NTM: variants seen among roughly 807,000 people sequenced by gnomAD.
The protein encoded by NTM is IgLON family member 2.
Under a neutral mutation model 42.1 loss-of-function variants are expected in NTM, and 13 were observed. That is an observed-to-expected ratio of 0.31 (90% CI 0.20 to 0.49). NTM has a LOEUF of 0.49. NTM is among the 20% of genes least tolerant of loss of function. The pLI, the probability that NTM is intolerant of heterozygous loss-of-function variation, is 0.99. For missense variants in NTM, 373 were observed against 452.8 expected, an observed-to-expected ratio of 0.82 and a Z score of 1.60; for synonymous variants, 187 against 179.2, an observed-to-expected ratio of 1.04 and a Z score of -0.35.
At chr11:132,274,250 G>C (rs1298637916) in intron 4 of NTM, among the ~76,000 whole-genome samples, 1 of 151,238 alleles carries the variant, frequency 6.6e-6, no homozygotes, top group Non-Finnish European at 1.5e-5. Context: ...CTTTCTGCCT[G>C]GTTTAGGCTT....
chr11:131,975,393 T>A (rs2134774678), intron 2 of NTM, among the ~76,000 whole-genome samples: 1 of 152,296 alleles, frequency 6.6e-6, no homozygotes, highest in South Asian at 2.1e-4. Context: ...TTGGCCAGGC[T>A]GGTCTCTATC....
In NTM at chr11:131,789,608, A is replaced by AAGG. The variant is rs1565552653; in HGVS notation, c.83-121954_83-121953insGAG. The stretch of plus-strand genomic sequence containing the variant: ...GAAGAAGAAGAAGAAGAAGAAGAAG[A>AAGG]AGAAGAAGAAGAAGAAGAAGAAGAA... On this transcript the variant is annotated intron_variant, in intron 1 of 8. Transcript: ENST00000683400. 7.4e-4 allele frequency among the ~76,000 whole-genome samples: 58 copies of AAGG among 78,028 alleles called. 11 individuals are homozygous for AAGG. Among genetic ancestry groups the AAGG allele is most frequent in the South Asian group, 1.4e-3 (4 of 2,880 alleles). The allele number at this position is 78,028 out of a possible 152,430, so 51.2% of individuals were successfully genotyped here. A position where few individuals can be genotyped will look rare whatever the true frequency, so the allele number is the denominator to read the frequency against.
At chr11:131,852,622 G>A (rs2045675233) in intron 1 of NTM, among the ~76,000 whole-genome samples, 2 of 152,096 alleles carry the variant, frequency 1.3e-5, no homozygotes, top group African/African-American at 4.8e-5. Flanking sequence ...GCTGGGTCAG[G>A]GGCATGTTTT....
chr11:132,166,308 C>G (rs746688942), intron 3 of NTM, among the ~76,000 whole-genome samples: 2 of 152,164 alleles, frequency 1.3e-5, no homozygotes, highest in African/African-American at 4.8e-5. Flanking sequence ...CTCATGGTCT[C>G]TATTAGTGAG....
chr11:131,664,753 G>GTTTTTTTTTTTTTTTTTTTTTTT (rs199824869), intron 1 of NTM, among the ~76,000 whole-genome samples: 1 of 112,914 alleles, frequency 8.9e-6, no homozygotes, highest in African/African-American at 3.4e-5. Context: ...CTCTTCCATT[G>GTTTTTTTTTTTTTTTTTTTTTTT]TTTTTTTTTT....
rs541517765 is a variant in NTM at position 131,424,075 on chromosome 11, ACT to A, written c.82+53190_82+53191del. Among the ~76,000 whole-genome samples, 21 of 152,082 alleles carry A rather than the reference ACT, an allele frequency of 1.4e-4. No homozygotes were observed. In the East Asian group the frequency reaches 3.9e-3, roughly 28 times the overall value. On this transcript the variant is annotated intron_variant, in intron 1 of 8. Coordinates refer to ENST00000683400, the MANE Select transcript of NTM (RefSeq NM_001352005.2). ...GAGCTTGAAGCTGCCATGCAAATAA[ACT>A]CTAATGACTTTCTTCTTGCATTTAC...
intron 1 of NTM, among the ~76,000 whole-genome samples, chr11:131,446,041 A>G (rs1251528578): frequency 6.6e-6 from 1 of 152,240 alleles, no homozygotes; most frequent in Non-Finnish European, 1.5e-5. Flanking sequence ...TATCTCAGCA[A>G]CTAAAACTTC....
chr11:131,925,730 C>T (rs1026038098), intron 2 of NTM, among the ~76,000 whole-genome samples: 6 of 151,852 alleles, frequency 4.0e-5, no homozygotes, highest in Non-Finnish European at 8.8e-5. Context: ...GTGGAGAAAT[C>T]GTGTATGGAT....
chr11:132,053,828 G>A (rs1300020055), intron 2 of NTM, among the ~76,000 whole-genome samples: 1 of 152,178 alleles, frequency 6.6e-6, no homozygotes, highest in East Asian at 1.9e-4. Context: ...ACCCTAATTG[G>A]TGGGTTTCCT....
intron 2 of NTM, among the ~76,000 whole-genome samples, chr11:131,986,090 G>T (rs181835423): frequency 2.6e-5 from 4 of 152,276 alleles, no homozygotes; most frequent in African/African-American, 4.8e-5. Flanking sequence ...GATCTCTTTG[G>T]ATCTGATTTT....
intron 1 of NTM, among the ~76,000 whole-genome samples, chr11:131,863,395 G>A (rs181992399): frequency 6.6e-6 from 1 of 152,182 alleles, no homozygotes; most frequent in Non-Finnish European, 1.5e-5. Context: ...ATGTTCTTGG[G>A]GTCCTCCTGA....
chr11:131,592,026 C>T (rs1395003398), intron 1 of NTM, among the ~76,000 whole-genome samples: 1 of 152,154 alleles, frequency 6.6e-6, no homozygotes, highest in African/African-American at 2.4e-5. Flanking sequence ...GCACTTTTGC[C>T]CCTGGTTGGA....
rs11827338 is a variant in NTM, at chr11:132,082,060, A to T, written c.168-64222A>T. On this transcript the variant is annotated intron_variant, in intron 2 of 8. Coordinates refer to ENST00000683400, the MANE Select transcript of NTM (RefSeq NM_001352005.2). ...ATTCATGGAAAAATGGAATTAAAAGATAAAAAAAAAAACCCTTCATTTCTC... is the reference window on the plus strand; with the variant it reads ...ATTCATGGAAAAATGGAATTAAAAGTTAAAAAAAAAAACCCTTCATTTCTC... 1.0e-2 allele frequency among the ~76,000 whole-genome samples: 1,342 copies of T among 134,660 alleles called. 16 individuals carry two copies. The highest frequency in any genetic ancestry group is 0.038 in the African/African-American group (1,266 of 33,076). 88.3% of individuals were successfully genotyped at this position (134,660 alleles called of 152,430 possible). A position where few individuals can be genotyped will look rare whatever the true frequency, so the allele number is the denominator to read the frequency against.
intron 1 of NTM, among the ~76,000 whole-genome samples, chr11:131,598,702 T>G (rs1209216436): frequency 1.8e-5 from 1 of 55,990 alleles, no homozygotes; most frequent in African/African-American, 4.9e-5. Flanking sequence ...TTTCTTTCTT[T>G]CTTTCTTTCT....
At chr11:131,451,133 A>G (rs1345970756) in intron 1 of NTM, among the ~76,000 whole-genome samples, 1 of 152,228 alleles carries the variant, frequency 6.6e-6, no homozygotes, top group Admixed American at 6.5e-5. Context: ...TAGAAAAAAA[A>G]AGGTATACAT....
intron 1 of NTM, among the ~76,000 whole-genome samples, chr11:131,598,765 T>C (rs868600609): frequency 7.4e-5 from 4 of 54,346 alleles, no homozygotes; most frequent in African/African-American, 2.3e-4. Context: ...CTTCTTTCTT[T>C]TTTTCTTTCT....
chr11:131,495,134 G>A (rs1225895165), intron 1 of NTM, among the ~76,000 whole-genome samples: 4 of 152,148 alleles, frequency 2.6e-5, no homozygotes, highest in African/African-American at 9.7e-5. Context: ...CAGACTCTGA[G>A]CTTTTGGGTC....
chr11:131,969,531 A>G (rs976388774), intron 2 of NTM, among the ~76,000 whole-genome samples: 8 of 152,198 alleles, frequency 5.3e-5, no homozygotes, highest in African/African-American at 1.2e-4. Flanking sequence ...AGACTGAGCA[A>G]GGGGAGGCAG....
chr11:132,277,299 C>G (rs2093764865), intron 4 of NTM, among the ~76,000 whole-genome samples: 1 of 152,130 alleles, frequency 6.6e-6, no homozygotes, highest in Non-Finnish European at 1.5e-5. Flanking sequence ...AAGTTAATGA[C>G]TTTGCCTTGA....
Sources: allele counts gnomAD v4.1 joint callset (sites outside exome capture counted in the v4.1 genomes callset), GRCh38; gene constraint gnomAD v4.1.1; transcripts MANE v1.5; gene names NCBI Gene and HGNC (gene_info 2026-07-23, HGNC 2026-07-21).